Variants in TSPAN14 observed in about 807,000 individuals in gnomAD.
The protein encoded by TSPAN14 is tetraspanin 14.
In TSPAN14, 16 loss-of-function variants were observed where a neutral mutation model predicts 36.6. That is an observed-to-expected ratio of 0.44 (90% CI 0.30 to 0.66). The LOEUF (loss-of-function observed/expected upper bound fraction) is 0.66. Ranked by LOEUF, TSPAN14 falls within the 30% of genes least tolerant of loss-of-function variation. TSPAN14 has a pLI of 0.12. For missense variants in TSPAN14, 231 were observed against 355.1 expected, an observed-to-expected ratio of 0.65 and a Z score of 2.81; for synonymous variants, 139 against 143.8, an observed-to-expected ratio of 0.97 and a Z score of 0.24.
At chr10:80,500,643 G>T in intron 2 of TSPAN14, among the ~76,000 whole-genome samples, 1 of 152,100 alleles carries the variant, frequency 6.6e-6, no homozygotes. Flanking sequence ...GAGCTACCAC[G>T]CCTGGCCAAG....
At chr10:80,463,474 A>G (rs1157642983) in intron 1 of TSPAN14, among the ~76,000 whole-genome samples, 1 of 152,118 alleles carries the variant, frequency 6.6e-6, no homozygotes. Flanking sequence ...CTTGTTTATT[A>G]CCCCAGTGGT....
At chr10:80,507,478 A>G in intron 4 of TSPAN14, 104 bp downstream of exon 4, 1 of 1,493,556 alleles carries the variant, frequency 6.7e-7, no homozygotes, top group Non-Finnish European at 9.1e-7. Context: ...AGCTCTTAGG[A>G]GCCTCCCCTA....
intron 1 of TSPAN14, among the ~76,000 whole-genome samples, chr10:80,473,710 G>GT (rs555107223): frequency 0.024 from 3,392 of 140,142 alleles, 43 homozygotes; most frequent in Middle Eastern, 0.037. Context: ...TTAAATTAAA[G>GT]TTTTTTTTTT....
At chr10:80,478,154 G>GA (rs1306548685) in intron 1 of TSPAN14, among the ~76,000 whole-genome samples, 1 of 151,942 alleles carries the variant, frequency 6.6e-6, no homozygotes, top group Admixed American at 6.6e-5. Flanking sequence ...AGAACATTTT[G>GA]AAAAAAATTC....
intron 1 of TSPAN14, among the ~76,000 whole-genome samples, chr10:80,458,063 C>T (rs928184961): frequency 7.2e-4 from 109 of 152,312 alleles, no homozygotes; most frequent in Non-Finnish European, 1.1e-3. Context: ...CCTGCCGTGT[C>T]AGTCCTTGGA....
chr10:80,506,265 G>GTA (rs1840294954), intron 3 of TSPAN14, among the ~76,000 whole-genome samples: 15 of 152,224 alleles, frequency 9.9e-5, no homozygotes, highest in Admixed American at 6.5e-5. Flanking sequence ...GAGCCGCCAT[G>GTA]CCCAGACACC....
At chr10:80,483,488 G>A (rs1295988358) in intron 1 of TSPAN14, among the ~76,000 whole-genome samples, 1 of 152,072 alleles carries the variant, frequency 6.6e-6, no homozygotes, top group African/African-American at 2.4e-5. Context: ...ATTGATTAAG[G>A]GTGTGACCTT....
chr10:80,491,075 T>C (rs7097656), intron 2 of TSPAN14, among the ~76,000 whole-genome samples: 130,388 of 152,146 alleles, frequency 0.86, 56,291 homozygotes, highest in East Asian at 0.98. Flanking sequence ...ATTTTACAGC[T>C]TCATCTCCTG....
At chr10:80,517,972 T>C (rs146010438) in exon 9 of TSPAN14, 30 of 1,558,792 alleles carry the variant, frequency 1.9e-5, no homozygotes, top group Non-Finnish European at 2.4e-5. Flanking sequence ...GGCCATCACT[T>C]CTGAGGAGCA....
intron 1 of TSPAN14, among the ~76,000 whole-genome samples, chr10:80,475,754 T>C (rs988947663): frequency 6.6e-6 from 1 of 152,148 alleles, no homozygotes; most frequent in Non-Finnish European, 1.5e-5. Context: ...ACCCAGCTAA[T>C]TTTTGTATTT....
At chr10:80,477,556 A>G (rs1001501720) in intron 1 of TSPAN14, among the ~76,000 whole-genome samples, 1 of 152,188 alleles carries the variant, frequency 6.6e-6, no homozygotes. Context: ...TTCAATTTAA[A>G]ATGTAGGAGT....
At chr10:80,486,312 G>A (rs1471757511) in intron 1 of TSPAN14, among the ~76,000 whole-genome samples, 1 of 152,208 alleles carries the variant, frequency 6.6e-6, no homozygotes, top group Non-Finnish European at 1.5e-5. Context: ...TCCATGTTCT[G>A]TACACTTTAT....
chr10:80,485,532 GGCCACCTTAC>G (rs1320918793), intron 1 of TSPAN14: 4 of 654,496 alleles, frequency 6.1e-6, no homozygotes, highest in Non-Finnish European at 7.6e-6. Flanking sequence ...ACAGTCAGAA[GGCCACCTTAC>G]ACTGTGTAGG....
chr10:80,502,424 G>A (rs545374378), intron 2 of TSPAN14, among the ~76,000 whole-genome samples: 3 of 152,284 alleles, frequency 2.0e-5, no homozygotes, highest in South Asian at 2.1e-4. Flanking sequence ...GAGGAGCCCC[G>A]TGGGATCCAG....
chr10:80,506,562 C>T (rs1359058039), intron 3 of TSPAN14, among the ~76,000 whole-genome samples: 3 of 152,216 alleles, frequency 2.0e-5, no homozygotes, highest in African/African-American at 7.2e-5. Flanking sequence ...TTAGCTTCCC[C>T]CTTGGCGTTT....
intron 1 of TSPAN14, among the ~76,000 whole-genome samples, chr10:80,482,345 G>C (rs909805305): frequency 5.9e-5 from 9 of 152,032 alleles, no homozygotes; most frequent in African/African-American, 2.2e-4. Flanking sequence ...GGAGTGCACT[G>C]GCGCAATCTC....
At chr10:80,463,044 T>C (rs927233526) in intron 1 of TSPAN14, 1 of 152,402 alleles carries the variant, frequency 6.6e-6, no homozygotes. Flanking sequence ...TGTGCCTTTG[T>C]CAGAATCTGT....
intron 1 of TSPAN14, among the ~76,000 whole-genome samples, chr10:80,469,011 C>G (rs1846391101): frequency 6.6e-6 from 1 of 152,204 alleles, no homozygotes; most frequent in Non-Finnish European, 1.5e-5. Flanking sequence ...TTTGGCAGCC[C>G]CAGCTCTCAG....
At chr10:80,471,613 G>A (rs1196378851) in intron 1 of TSPAN14, among the ~76,000 whole-genome samples, 1 of 152,210 alleles carries the variant, frequency 6.6e-6, no homozygotes, top group Non-Finnish European at 1.5e-5. Flanking sequence ...TATAGGACAC[G>A]TGCACTATGC....
Sources: allele counts gnomAD v4.1 joint callset (sites outside exome capture counted in the v4.1 genomes callset), GRCh38; gene constraint gnomAD v4.1.1; transcripts MANE v1.5; gene names NCBI Gene and HGNC (gene_info 2026-07-23, HGNC 2026-07-21).